The following MCCC1 variants were observed in gnomAD, a reference collection of about 807,000 sequenced individuals.
MCCC1 encodes the protein methylcrotonyl-CoA carboxylase subunit 1, also known as methylcrotonoyl-CoA carboxylase subunit alpha, mitochondrial.
Under a neutral mutation model 83.8 loss-of-function variants are expected in MCCC1, and 64 were observed. The ratio of observed to expected loss-of-function variants is 0.76; its 90% CI spans 0.62 to 0.94. MCCC1 has a LOEUF of 0.94. Ranked by LOEUF, MCCC1 falls within the 40% of genes least tolerant of loss-of-function variation. The pLI, the probability that MCCC1 is intolerant of heterozygous loss-of-function variation, is 0.00. For missense variants in MCCC1, 807 were observed against 904.7 expected, an observed-to-expected ratio of 0.89 and a Z score of 1.39; for synonymous variants, 322 against 315.4, an observed-to-expected ratio of 1.02 and a Z score of -0.22.
chr3:183,045,722 T>G (rs1714506885), intron 9 of MCCC1, among the ~76,000 whole-genome samples, 182 bp from the exon 10 acceptor site: 1 of 152,188 alleles, frequency 6.6e-6, no homozygotes, highest in Admixed American at 6.5e-5. Context: ...AATAGAGAGC[T>G]GCATGAAATT....
chr3:183,029,807 C>T (rs571492801), intron 14 of MCCC1, among the ~76,000 whole-genome samples: 1 of 152,278 alleles, frequency 6.6e-6, no homozygotes, highest in African/African-American at 2.4e-5. Context: ...TCTACCCTGC[C>T]TCAGGCCCCA....
At chr3:183,021,400 T>C (rs2108439916) in intron 16 of MCCC1, among the ~76,000 whole-genome samples, 1 of 152,274 alleles carries the variant, frequency 6.6e-6, no homozygotes, top group South Asian at 2.1e-4. Flanking sequence ...ATGTTTAAAA[T>C]TTTTTGTAGA....
chr3:183,035,590 C>T (rs1713506989), intron 13 of MCCC1, among the ~76,000 whole-genome samples: 1 of 149,832 alleles, frequency 6.7e-6, no homozygotes, highest in Admixed American at 6.7e-5. Flanking sequence ...GGAATCTGAA[C>T]TGTTCCAATG....
intron 1 of MCCC1, chr3:183,098,680 C>A (rs1461802490): frequency 6.6e-6 from 1 of 152,354 alleles, no homozygotes; most frequent in Non-Finnish European, 1.5e-5. Context: ...GCCACCAAAG[C>A]TTAGAGCTCA....
At chr3:183,033,460 C>T (rs1577258123) in intron 14 of MCCC1, among the ~76,000 whole-genome samples, 1 of 152,156 alleles carries the variant, frequency 6.6e-6, no homozygotes, top group South Asian at 2.1e-4. Flanking sequence ...CCCTCATTTA[C>T]GTTGTGAAGA....
chr3:183,071,363 G>C lies in MCCC1; in HGVS notation c.492-6C>G. 6.2e-7 allele frequency: 1 copy of C among 1,614,186 alleles called. No homozygotes were observed. The highest frequency in any genetic ancestry group is 8.5e-7 in the Non-Finnish European group (1 of 1,180,038). Reference sequence around the variant, plus strand: ...CCATTATGGATTTGGATGTGCTTTAGAGTGGGAAAGAAAACAACATGCCCC... The same window carrying C: ...CCATTATGGATTTGGATGTGCTTTACAGTGGGAAAGAAAACAACATGCCCC... On this transcript the variant is annotated splice_polypyrimidine_tract_variant and splice_region_variant and intron_variant, in intron 5 of 18. Coordinates refer to ENST00000265594, the MANE Select transcript of MCCC1 (RefSeq NM_020166.5).
Position 183,071,311 on chromosome 3 carries a change from C to A in MCCC1, c.538G>T (p.Gly180Cys). The A allele has an allele frequency of 1.2e-6, 2 of 1,614,188 alleles. No homozygotes were observed. The highest frequency in any genetic ancestry group is 1.7e-6 in the Non-Finnish European group (2 of 1,180,028). The part of the protein sequence containing the change: ...MAAAGVPVVE[G>C]YHGEDQSDQC... ...TCTGATTGGTCCTCACCATGATAAC[C>A]CTCCACAACAGGTACTCCAGCAGCA... The change falls in exon 6 of 19, where the codon GGT (glycine) becomes TGT (cysteine). Residue 180 changes from glycine (G) to cysteine (C), a missense_variant. Transcript: ENST00000265594.
intron 18 of MCCC1, among the ~76,000 whole-genome samples, chr3:183,016,871 G>C (rs1007359809): frequency 2.0e-5 from 3 of 152,162 alleles, no homozygotes; most frequent in South Asian, 2.1e-4. Context: ...CTGATGCCTG[G>C]CATCCTTGGT....
chr3:183,039,869 G>A (rs1312105720), intron 11 of MCCC1, among the ~76,000 whole-genome samples: 1 of 151,920 alleles, frequency 6.6e-6, no homozygotes, highest in Non-Finnish European at 1.5e-5. Flanking sequence ...GGCCGAGGTG[G>A]GCAGATCACA....
At chr3:183,029,522 C>T (rs1229834098) in intron 14 of MCCC1, among the ~76,000 whole-genome samples, 1 of 152,208 alleles carries the variant, frequency 6.6e-6, no homozygotes, top group Non-Finnish European at 1.5e-5. Context: ...ATGCCTCGTA[C>T]TCCTTCGCTT....
At position 183,037,307 on chromosome 3, in the gene MCCC1, G is replaced by A; in HGVS notation, c.1505C>T (p.Ala502Val). The change falls in exon 13 of 19, where the codon GCT (alanine) becomes GTT (valine). Residue 502 changes from alanine to valine, a missense_variant. Coordinates refer to ENST00000265594, the MANE Select transcript of MCCC1 (RefSeq NM_020166.5). Reference sequence around the variant, plus strand: ...CTGGCATAAAGACTCTTTGGCTGCAGCCTTCCGACTGAGCAACAACTGTTT... The same window carrying A: ...CTGGCATAAAGACTCTTTGGCTGCAACCTTCCGACTGAGCAACAACTGTTT... ...HHKQLLLSRK[A>V]AAKESLCQAA... 1 of 1,614,134 alleles carries A rather than the reference G, an allele frequency of 6.2e-7. No individual in the cohort carries two copies. The highest frequency in any genetic ancestry group is 8.5e-7 in the Non-Finnish European group (1 of 1,180,040).
At chr3:183,039,279 G>A (rs534334252) in intron 11 of MCCC1, 144 bp from the exon 12 acceptor site, 1 of 896,572 alleles carries the variant, frequency 1.1e-6, no homozygotes, top group East Asian at 2.7e-5. Context: ...TTATTCATGA[G>A]GACCCTGAGG....
At chr3:183,071,869 A>T (rs1300417894) in intron 5 of MCCC1, among the ~76,000 whole-genome samples, 3 of 132,780 alleles carry the variant, frequency 2.3e-5, no homozygotes, top group Non-Finnish European at 3.1e-5. Flanking sequence ...ACCCAGCTGA[A>T]TTTTTTTTTT....
In MCCC1 at chr3:183,032,054, A is replaced by G. The variant is rs1029931749; in HGVS notation, c.1681+1937T>C. Among the ~76,000 whole-genome samples, 8 of 152,190 alleles carry G rather than the reference A, an allele frequency of 5.3e-5. No homozygotes were observed. The East Asian group carries it at 1.4e-3, about 26-fold the overall frequency. ...TTTTTTGGAGACTTAGCTATGTATC[A>G]TTTTCTGAAAGCTCTTACATACAGA... On this transcript the variant is annotated intron_variant, in intron 14 of 18. Coordinates refer to ENST00000265594, the MANE Select transcript of MCCC1 (RefSeq NM_020166.5).
intron 13 of MCCC1, among the ~76,000 whole-genome samples, chr3:183,036,831 G>A (rs1207810701): frequency 1.3e-5 from 2 of 151,364 alleles, no homozygotes; most frequent in South Asian, 2.1e-4. Flanking sequence ...GTGCCACCAC[G>A]CCCAGCTAAT....
chr3:183,082,311 T>C (rs1435256853), intron 4 of MCCC1, among the ~76,000 whole-genome samples: 1 of 152,226 alleles, frequency 6.6e-6, no homozygotes, highest in Non-Finnish European at 1.5e-5. Context: ...GTACCTGTAA[T>C]AAAGTTCCTA....
intron 7 of MCCC1, among the ~76,000 whole-genome samples, chr3:183,069,581 AAGG>A (rs1329760744): frequency 6.6e-6 from 1 of 152,132 alleles, no homozygotes; most frequent in Admixed American, 6.5e-5. Flanking sequence ...GGTCTTCTCT[AAGG>A]AGAAGAATAC....
chr3:183,099,601 C>A, upstream of MCCC1: 1 of 799,478 alleles, frequency 1.3e-6, no homozygotes, highest in Non-Finnish European at 2.0e-6. Flanking sequence ...GGCGTCTCCA[C>A]GAACACCAAT....
chr3:183,052,557 C>G (rs1715059779), intron 8 of MCCC1, among the ~76,000 whole-genome samples: 1 of 152,130 alleles, frequency 6.6e-6, no homozygotes, highest in Non-Finnish European at 1.5e-5. Flanking sequence ...GCCTGTAATC[C>G]CAGCACTTTG....
Sources: gnomAD v4.1 joint callset for allele counts (sites outside exome capture counted in the v4.1 genomes callset) on GRCh38, gnomAD v4.1.1 for gene constraint, MANE v1.5 for transcripts, NCBI Gene and HGNC (gene_info 2026-07-23, HGNC 2026-07-21) for gene names.